The following PCBP3 variants were observed in gnomAD, a reference collection of about 807,000 sequenced individuals.
The protein encoded by PCBP3 is poly(rC) binding protein 3.
In PCBP3, 25 loss-of-function variants were observed where a neutral mutation model predicts 52.7. The ratio of observed to expected loss-of-function variants is 0.47; its 90% CI spans 0.35 to 0.66. PCBP3 has a LOEUF of 0.66. Ranked by LOEUF, PCBP3 falls within the 30% of genes least tolerant of loss-of-function variation. The probability of loss-of-function intolerance (pLI) is 0.01; values close to 1 mark genes in which losing one functional copy is unlikely to be tolerated. For missense variants in PCBP3, 391 were observed against 490.3 expected (o/e 0.80, Z 1.91); for synonymous variants, 162 against 183.0 (o/e 0.89, Z 0.93).
At position 45,724,674 on chromosome 21, in the gene PCBP3, G is replaced by C. The variant is rs1252796568; in HGVS notation, c.-199-10718G>C. Among the ~76,000 whole-genome samples the C allele has an allele frequency of 1.3e-5, 2 of 151,730 alleles. No individual in the cohort carries two copies. Among genetic ancestry groups the C allele is most frequent in the Non-Finnish European group, 2.9e-5 (2 of 67,904 alleles). ...TGTGGGCAGTGATGGGGAACAGCAA[G>C]GGTGGGGTGCCTCGGTGGGATCTGA... is the stretch of plus-strand genomic sequence containing the variant. On this transcript the variant is annotated intron_variant, in intron 2 of 17. Coordinates refer to ENST00000681687, the MANE Select transcript of PCBP3 (RefSeq NM_001384156.1). The surrounding 1 kb of genome is among the most constrained non-coding windows in gnomAD (Gnocchi z 5.3).
chr21:45,920,930 C>T (rs367662048), intron 13 of PCBP3, among the ~76,000 whole-genome samples: 3 of 152,158 alleles, frequency 2.0e-5, no homozygotes, highest in African/African-American at 4.8e-5. Flanking sequence ...TGGACTAAGG[C>T]GCTTGGTTCT....
At chr21:45,826,258 C>CAA (rs10679763) in intron 4 of PCBP3, among the ~76,000 whole-genome samples, 82 of 129,946 alleles carry the variant, frequency 6.3e-4, no homozygotes, top group African/African-American at 1.8e-3. Flanking sequence ...AACTCTGTCT[C>CAA]AAAAAAAAAA....
At position 45,868,670 on chromosome 21, in the gene PCBP3, A is replaced by G. The variant is rs1019069909; in HGVS notation, c.10+18575A>G. Among the ~76,000 whole-genome samples, 3 of 152,184 alleles carry G rather than the reference A, an allele frequency of 2.0e-5. No homozygotes were observed. The East Asian group carries it at 5.8e-4, about 29-fold the overall frequency. ...CTGTCCCTGGGCCCGCCTCCTGGCC[A>G]GACTTCCAGAAACATTGTCCACATC... On this transcript the variant is annotated intron_variant, in intron 5 of 17. Coordinates refer to ENST00000681687, the MANE Select transcript of PCBP3 (RefSeq NM_001384156.1).
At position 45,771,045 on chromosome 21, in the gene PCBP3, C is replaced by T. The variant is rs562188527; in HGVS notation, c.-126+15593C>T. Among the ~76,000 whole-genome samples the T allele has an allele frequency of 2.0e-5, 3 of 152,374 alleles. No individual in the cohort carries two copies. In the South Asian group the frequency reaches 6.2e-4, roughly 32 times the overall value. ...AGTGTAAACATGTGTGCCTGAATCACCTGTCTCCCTTAGCCAGTCCTCATG... is the reference window on the plus strand; with the variant it reads ...AGTGTAAACATGTGTGCCTGAATCATCTGTCTCCCTTAGCCAGTCCTCATG... On this transcript the variant is annotated intron_variant, in intron 4 of 17. Transcript: ENST00000681687.
At chr21:45,819,443 G>A (rs2093061897) in intron 4 of PCBP3, among the ~76,000 whole-genome samples, 1 of 152,188 alleles carries the variant, frequency 6.6e-6, no homozygotes, top group African/African-American at 2.4e-5. Context: ...CTTTACAGAC[G>A]GGATGAAGGG....
intron 5 of PCBP3, among the ~76,000 whole-genome samples, chr21:45,881,738 C>G (rs533951821): frequency 1.1e-4 from 16 of 152,258 alleles, no homozygotes; most frequent in Admixed American, 2.6e-4. Flanking sequence ...CCGCAGTCCC[C>G]GACAGCCACC....
rs1260960810 is a variant in PCBP3 at position 45,736,135 on chromosome 21, G to C, written c.-162+706G>C. Among the ~76,000 whole-genome samples, 1 of 152,250 alleles carries C rather than the reference G, an allele frequency of 6.6e-6. No individual in the cohort carries two copies. Among genetic ancestry groups the C allele is most frequent in the Non-Finnish European group, 1.5e-5 (1 of 68,050 alleles). On this transcript the variant is annotated intron_variant, in intron 3 of 17. Coordinates refer to ENST00000681687, the MANE Select transcript of PCBP3 (RefSeq NM_001384156.1). The surrounding 1 kb of genome is among the most constrained non-coding windows in gnomAD (Gnocchi z 4.6). ...CTGCATGGAAAACTAATGGAGTCAT[G>C]ATGGCTGCTGATGCTGATGAAGTAG...
At chr21:45,895,209 A>G (rs1384441698) in intron 5 of PCBP3, among the ~76,000 whole-genome samples, 1 of 152,222 alleles carries the variant, frequency 6.6e-6, no homozygotes, top group Non-Finnish European at 1.5e-5. Context: ...CTTTTAGCAT[A>G]TTCTTTTAAC....
At chr21:45,670,384 A>G (rs1247308427) in intron 2 of PCBP3, among the ~76,000 whole-genome samples, 2 of 152,112 alleles carry the variant, frequency 1.3e-5, no homozygotes, top group Non-Finnish European at 2.9e-5. Flanking sequence ...CTTTGTAGAT[A>G]TGTTTTTGTT....
At chr21:45,713,024 C>T (rs947251024) in intron 2 of PCBP3, among the ~76,000 whole-genome samples, 6 of 151,738 alleles carry the variant, frequency 4.0e-5, no homozygotes, top group African/African-American at 1.2e-4. Flanking sequence ...CTTACCTGGC[C>T]GAGGGTTGCT....
At chr21:45,888,421 G>T (rs1384309836) in intron 5 of PCBP3, among the ~76,000 whole-genome samples, 1 of 152,244 alleles carries the variant, frequency 6.6e-6, no homozygotes, top group African/African-American at 2.4e-5. Context: ...GGGAACCGGG[G>T]CTAGAGCAGC....
chr21:45,764,905 A>T (rs144785579), intron 4 of PCBP3, among the ~76,000 whole-genome samples: 2 of 152,234 alleles, frequency 1.3e-5, no homozygotes, highest in Non-Finnish European at 2.9e-5. Context: ...TGCTCTTGGA[A>T]GGGGGGAGGT....
At chr21:45,739,847 C>A (rs1437265248) in intron 3 of PCBP3, among the ~76,000 whole-genome samples, 10 of 152,236 alleles carry the variant, frequency 6.6e-5, no homozygotes. Flanking sequence ...GTCACTGTCA[C>A]ACACACTCTC....
chr21:45,907,249 G>A (rs2096234174), intron 9 of PCBP3, among the ~76,000 whole-genome samples: 1 of 152,244 alleles, frequency 6.6e-6, no homozygotes, highest in Non-Finnish European at 1.5e-5. Flanking sequence ...GTCTGCAGGA[G>A]TCCTGGCTCA....
intron 5 of PCBP3, among the ~76,000 whole-genome samples, chr21:45,861,059 T>G (rs905552992): frequency 6.6e-6 from 1 of 152,116 alleles, no homozygotes; most frequent in African/African-American, 2.4e-5. Flanking sequence ...CCTGCCCCAG[T>G]TCCCCTCCTG....
rs150392652 is a variant in PCBP3, at chr21:45,903,543, A to G, written c.339+2430A>G. ...TGGGCGGTGTGTCCAGTGGTCAGTGAGAGTGAGGGCAGTGGTTACTGTTTG... is the reference window on the plus strand; with the variant it reads ...TGGGCGGTGTGTCCAGTGGTCAGTGGGAGTGAGGGCAGTGGTTACTGTTTG... On this transcript the variant is annotated intron_variant, in intron 9 of 17. Transcript: ENST00000681687. Among the ~76,000 whole-genome samples, 711 of 152,160 alleles carry G rather than the reference A, an allele frequency of 4.7e-3. 5 individuals carry two copies. Among genetic ancestry groups the G allele is most frequent in the African/African-American group, 0.016 (656 of 41,476 alleles).
chr21:45,867,374 AC>A (rs2094780897), intron 5 of PCBP3, among the ~76,000 whole-genome samples: 1 of 152,146 alleles, frequency 6.6e-6, no homozygotes. Context: ...AATACGGATG[AC>A]CCGAAAGACT....
intron 5 of PCBP3, among the ~76,000 whole-genome samples, chr21:45,895,767 CA>C (rs2095808269): frequency 6.6e-6 from 1 of 152,252 alleles, no homozygotes; most frequent in Non-Finnish European, 1.5e-5. Context: ...CCGGCTCCCA[CA>C]CCCTGGTCAG....
chr21:45,908,105 G>A (rs1271302806), intron 9 of PCBP3, among the ~76,000 whole-genome samples: 3 of 152,048 alleles, frequency 2.0e-5, no homozygotes, highest in African/African-American at 4.8e-5. Context: ...GAACAATTTC[G>A]TTAAAGTCAA....
Sources: allele counts gnomAD v4.1 joint callset (sites outside exome capture counted in the v4.1 genomes callset), GRCh38; gene constraint gnomAD v4.1.1; non-coding constraint Gnocchi (gnomAD v3.1); transcripts MANE v1.5; gene names NCBI Gene and HGNC (gene_info 2026-07-23, HGNC 2026-07-21).